Variants in TENM3 observed in about 807,000 individuals in gnomAD.
The protein encoded by TENM3 is teneurin transmembrane protein 3, also known as teneurin-3.
In TENM3, 63 loss-of-function variants were observed where a neutral mutation model predicts 255.1. That is an observed-to-expected ratio of 0.25 (90% CI 0.20 to 0.30). The LOEUF (loss-of-function observed/expected upper bound fraction) is 0.30. TENM3 is among the 10% of genes least tolerant of loss of function. The probability of loss-of-function intolerance (pLI) is 1.00; values close to 1 mark genes in which losing one functional copy is unlikely to be tolerated. For synonymous variants in TENM3, 1,306 were observed against 1,322.3 expected (o/e 0.99, Z 0.27); for missense variants, 2,929 against 3,461.1 (o/e 0.85, Z 3.86).
At chr4:182,362,773 G>A (rs1766116673) in intron 3 of TENM3, among the ~76,000 whole-genome samples, 1 of 152,152 alleles carries the variant, frequency 6.6e-6, no homozygotes, top group African/African-American at 2.4e-5. Flanking sequence ...AGATGAACCT[G>A]GTACCTCAGA....
chr4:181,535,678 C>T, the TENM3 span, among the ~76,000 whole-genome samples: 2 of 152,196 alleles, frequency 1.3e-5, no homozygotes, highest in African/African-American at 4.8e-5. Flanking sequence ...GCCCTCACCA[C>T]TTTGACCTTC....
intron 1 of TENM3, among the ~76,000 whole-genome samples, chr4:182,310,668 G>A (rs1762387832): frequency 1.5e-5 from 2 of 131,330 alleles, no homozygotes; most frequent in South Asian, 4.5e-4. Flanking sequence ...GTGGGGGAAG[G>A]GTGTTTTTTT....
chr4:181,591,785 C>T, the TENM3 span, among the ~76,000 whole-genome samples: 2 of 152,176 alleles, frequency 1.3e-5, no homozygotes, highest in Non-Finnish European at 2.9e-5. Context: ...CCACCACCAC[C>T]CCCTACTCCT....
the TENM3 span, among the ~76,000 whole-genome samples, chr4:181,893,486 T>C: frequency 8.8e-5 from 1 of 11,362 alleles, no homozygotes; most frequent in African/African-American, 2.0e-4. Context: ...CACTTTCCCC[T>C]GCCCACCCCC....
At chr4:182,168,142 T>TG (rs983418638) in intron 1 of TENM3, among the ~76,000 whole-genome samples, 1 of 151,732 alleles carries the variant, frequency 6.6e-6, no homozygotes, top group African/African-American at 2.4e-5. Context: ...TTCTTTTCTT[T>TG]TTTTTTTTTC....
At chr4:182,632,975 G>A (rs972000102) in intron 5 of TENM3, among the ~76,000 whole-genome samples, 1 of 151,840 alleles carries the variant, frequency 6.6e-6, no homozygotes, top group Non-Finnish European at 1.5e-5. Context: ...TGTCTCACAG[G>A]CTGGAGTGCA....
chr4:181,595,650 C>A, the TENM3 span, among the ~76,000 whole-genome samples: 1 of 151,978 alleles, frequency 6.6e-6, no homozygotes, highest in African/African-American at 2.4e-5. Flanking sequence ...GTCTAAAAAA[C>A]GCTGGTTTAA....
the TENM3 span, among the ~76,000 whole-genome samples, chr4:181,905,534 C>CTTT: frequency 1.5e-5 from 2 of 131,942 alleles, no homozygotes; most frequent in Admixed American, 7.6e-5. Flanking sequence ...ATGAGCTGAG[C>CTTT]TTTTTTTTTT....
chr4:182,101,562 A>G, the TENM3 span, among the ~76,000 whole-genome samples: 1 of 152,130 alleles, frequency 6.6e-6, no homozygotes, highest in African/African-American at 2.4e-5. Flanking sequence ...GGAATCTTAA[A>G]AAGTTGAACT....
chr4:181,948,775 C>T, the TENM3 span, among the ~76,000 whole-genome samples: 1 of 152,142 alleles, frequency 6.6e-6, no homozygotes, highest in East Asian at 1.9e-4. Context: ...TGAAAAGTAC[C>T]CCCACCCCCA....
chr4:181,941,917 T>A, the TENM3 span, among the ~76,000 whole-genome samples: 1 of 152,226 alleles, frequency 6.6e-6, no homozygotes, highest in African/African-American at 2.4e-5. Flanking sequence ...ATCTGCATGT[T>A]GAAGAGGCTT....
the TENM3 span, among the ~76,000 whole-genome samples, chr4:181,623,415 A>G: frequency 6.6e-6 from 1 of 152,232 alleles, no homozygotes; most frequent in Non-Finnish European, 1.5e-5. Flanking sequence ...CAGGTCTATC[A>G]CAGGAGGAGG....
chr4:181,837,051 C>G, the TENM3 span, among the ~76,000 whole-genome samples: 14 of 152,192 alleles, frequency 9.2e-5, no homozygotes, highest in East Asian at 2.7e-3. Context: ...TTCAGAAGAA[C>G]AGAAAATGCA....
the TENM3 span, among the ~76,000 whole-genome samples, chr4:181,598,129 G>C: frequency 2.3e-4 from 35 of 152,134 alleles, no homozygotes; most frequent in Admixed American, 3.9e-4. Flanking sequence ...CTAATTTCAC[G>C]TGCTAAGCAA....
intron 3 of TENM3, among the ~76,000 whole-genome samples, chr4:182,374,980 A>G (rs1039231907): frequency 6.6e-6 from 1 of 152,100 alleles, no homozygotes; most frequent in African/African-American, 2.4e-5. Context: ...TTGTGAATAA[A>G]CCATGAGTTT....
At chr4:182,186,049 A>G (rs1357929509) in intron 1 of TENM3, among the ~76,000 whole-genome samples, 2 of 152,136 alleles carry the variant, frequency 1.3e-5, no homozygotes, top group Admixed American at 6.6e-5. Flanking sequence ...TTATATATAT[A>G]TGGAAACTGA....
At chr4:181,522,328 A>C in the TENM3 span, among the ~76,000 whole-genome samples, 1 of 152,134 alleles carries the variant, frequency 6.6e-6, no homozygotes, top group African/African-American at 2.4e-5. Flanking sequence ...GAGAGAGGTT[A>C]CTTTTATTAT....
At chr4:182,499,138 G>T (rs889938261) in intron 3 of TENM3, among the ~76,000 whole-genome samples, 3 of 152,194 alleles carry the variant, frequency 2.0e-5, no homozygotes, top group African/African-American at 7.2e-5. Flanking sequence ...ACTGTGAAAT[G>T]ATTTGATTTG....
intron 2 of TENM3, among the ~76,000 whole-genome samples, chr4:182,328,870 G>A (rs1490593851): frequency 2.6e-5 from 4 of 152,130 alleles, no homozygotes; most frequent in African/African-American, 7.2e-5. Context: ...AGGAAAGAAA[G>A]AGAAGAGGGA....
Sources: gnomAD v4.1 joint callset for allele counts (sites outside exome capture counted in the v4.1 genomes callset) on GRCh38, gnomAD v4.1.1 for gene constraint, MANE v1.5 for transcripts, NCBI Gene and HGNC (gene_info 2026-07-23, HGNC 2026-07-21) for gene names.